The following TTC28 variants were observed in gnomAD, a reference collection of about 807,000 sequenced individuals.
TTC28 encodes tetratricopeptide repeat domain 28, also known as tetratricopeptide repeat protein 28.
Under a neutral mutation model 198.0 loss-of-function variants are expected in TTC28, and 61 were observed. The ratio of observed to expected loss-of-function variants is 0.31; its 90% CI spans 0.25 to 0.38. The LOEUF (loss-of-function observed/expected upper bound fraction) is 0.38, where lower values mean the gene tolerates loss of function less well. Ranked by LOEUF, TTC28 falls within the 10% of genes least tolerant of loss-of-function variation. TTC28 has a pLI of 1.00. For missense variants in TTC28, 2,678 were observed against 3,164.0 expected (o/e 0.85, Z 3.69); for synonymous variants, 1,171 against 1,297.8 (o/e 0.90, Z 2.10).
At chr22:28,343,104 T>C (rs1353813656) in intron 2 of TTC28, among the ~76,000 whole-genome samples, 3 of 152,220 alleles carry the variant, frequency 2.0e-5, no homozygotes, top group Non-Finnish European at 4.4e-5. Context: ...ACAAAATGTA[T>C]TGATTTACCT....
chr22:28,219,505 T>TA (rs760838089), intron 5 of TTC28, among the ~76,000 whole-genome samples: 469 of 134,372 alleles, frequency 3.5e-3, no homozygotes, highest in Non-Finnish European at 4.1e-3. Flanking sequence ...GAGACTTTGT[T>TA]AAAAAAAAAA....
At chr22:28,566,278 C>T (rs376969341) in intron 2 of TTC28, among the ~76,000 whole-genome samples, 1 of 152,178 alleles carries the variant, frequency 6.6e-6, no homozygotes, top group Admixed American at 6.5e-5. Context: ...ACTCTATCAT[C>T]ATCACAAAAT....
intron 2 of TTC28, among the ~76,000 whole-genome samples, chr22:28,538,986 G>GCAA (rs2049354867): frequency 1.3e-5 from 2 of 152,112 alleles, no homozygotes; most frequent in African/African-American, 4.8e-5. Context: ...AAATAACTGA[G>GCAA]GTAGATTCAC....
chr22:28,274,933 C>T (rs1035502726), intron 5 of TTC28, among the ~76,000 whole-genome samples: 4 of 142,128 alleles, frequency 2.8e-5, no homozygotes, highest in African/African-American at 5.3e-5. Flanking sequence ...GAGCTGAGAT[C>T]GCGCCACTGC....
rs552422802 is a variant in TTC28 at position 28,192,226 on chromosome 22, G to A, written c.934-28627C>T. The stretch of plus-strand genomic sequence containing the variant: ...AACTCCAACAGACTTGCAGCTGAGG[G>A]TCCTGACTGTCAGAAGGAAAACTAA... On this transcript the variant is annotated intron_variant, in intron 5 of 22. Coordinates refer to ENST00000397906, the MANE Select transcript of TTC28 (RefSeq NM_001145418.2). Among the ~76,000 whole-genome samples the A allele has an allele frequency of 9.9e-5, 15 of 152,280 alleles. 1 individual carries two copies. In the South Asian group the frequency reaches 2.1e-3, roughly 21 times the overall value.
chr22:28,338,980 CT>C (rs2045780992), intron 2 of TTC28, among the ~76,000 whole-genome samples: 1 of 152,188 alleles, frequency 6.6e-6, no homozygotes, highest in African/African-American at 2.4e-5. Context: ...TTTTTCTGCT[CT>C]GTTTTTTCCC....
intron 2 of TTC28, among the ~76,000 whole-genome samples, chr22:28,458,276 A>T (rs2047895009): frequency 1.3e-5 from 2 of 152,210 alleles, no homozygotes; most frequent in South Asian, 4.1e-4. Flanking sequence ...ACAGATACAA[A>T]AATAAAATAA....
chr22:28,192,290 T>C (rs146610269), intron 5 of TTC28, among the ~76,000 whole-genome samples: 8,970 of 152,002 alleles, frequency 0.059, 377 homozygotes, highest in South Asian at 0.091. Context: ...CCCATCTGTA[T>C]GTCACCATCA....
chr22:28,546,109 T>C (rs2049535610), intron 2 of TTC28, among the ~76,000 whole-genome samples: 1 of 152,230 alleles, frequency 6.6e-6, no homozygotes, highest in Non-Finnish European at 1.5e-5. Flanking sequence ...CAAGACACTG[T>C]GGTATTTGCA....
chr22:28,661,384 TTAAG>T (rs1248124493), intron 1 of TTC28, among the ~76,000 whole-genome samples: 1 of 152,204 alleles, frequency 6.6e-6, no homozygotes, highest in African/African-American at 2.4e-5. Flanking sequence ...AGGTACTACA[TTAAG>T]TATTAGTTTA....
chr22:28,162,322 T>A (rs189877862), intron 6 of TTC28, among the ~76,000 whole-genome samples: 44 of 152,356 alleles, frequency 2.9e-4, no homozygotes, highest in Admixed American at 2.0e-3. Context: ...ACTATTAATA[T>A]TATTTTTTGA....
At chr22:28,221,665 C>T (rs776292251) in intron 5 of TTC28, among the ~76,000 whole-genome samples, 16 of 152,268 alleles carry the variant, frequency 1.1e-4, no homozygotes, top group African/African-American at 3.4e-4. Context: ...AAACAGGGCA[C>T]GGACTTGCAT....
At chr22:28,428,605 TTATTA>T (rs931422083) in intron 2 of TTC28, among the ~76,000 whole-genome samples, 4 of 120,846 alleles carry the variant, frequency 3.3e-5, no homozygotes, top group South Asian at 3.0e-4. Context: ...ATTTCATGAA[TTATTA>T]TTTTATTTTA....
chr22:28,428,479 T>C (rs1276922665), intron 2 of TTC28, among the ~76,000 whole-genome samples: 1 of 152,150 alleles, frequency 6.6e-6, no homozygotes, highest in African/African-American at 2.4e-5. Flanking sequence ...GTGGTACCAC[T>C]GTTATTGTAC....
chr22:28,361,931 C>T (rs981192026), intron 2 of TTC28, among the ~76,000 whole-genome samples: 8 of 152,096 alleles, frequency 5.3e-5, no homozygotes, highest in Admixed American at 2.6e-4. Context: ...CATAGTTTAC[C>T]GAATATTTTA....
At chr22:28,439,629 C>T (rs2047584454) in intron 2 of TTC28, among the ~76,000 whole-genome samples, 1 of 152,178 alleles carries the variant, frequency 6.6e-6, no homozygotes, top group Non-Finnish European at 1.5e-5. Context: ...CAAATTATAA[C>T]ACCTACCACC....
At chr22:28,212,219 A>G (rs5752707) in intron 5 of TTC28, among the ~76,000 whole-genome samples, 17,906 of 151,418 alleles carry the variant, frequency 0.12, 1,161 homozygotes, top group Middle Eastern at 0.23. Flanking sequence ...TAAAAGAACT[A>G]GAGAAGCAAG....
chr22:28,516,132 C>T (rs575108278), intron 2 of TTC28, among the ~76,000 whole-genome samples: 7 of 146,566 alleles, frequency 4.8e-5, no homozygotes, highest in Non-Finnish European at 9.0e-5. Context: ...GTGACAAGAG[C>T]GAAACTCCAT....
At chr22:28,320,855 T>A (rs2045434884) in intron 2 of TTC28, among the ~76,000 whole-genome samples, 1 of 152,218 alleles carries the variant, frequency 6.6e-6, no homozygotes, top group African/African-American at 2.4e-5. Context: ...TGCATGTGCT[T>A]TCAGCATACA....
Sources: gnomAD v4.1 joint callset for allele counts (sites outside exome capture counted in the v4.1 genomes callset) on GRCh38, gnomAD v4.1.1 for gene constraint, MANE v1.5 for transcripts, NCBI Gene and HGNC (gene_info 2026-07-23, HGNC 2026-07-21) for gene names.